Variants in PCDHGA1 observed in about 807,000 individuals in gnomAD.
The protein encoded by PCDHGA1 is protocadherin gamma subfamily A, 1.
PCDHGA1 carries 32 observed loss-of-function variants against 58.0 expected under a neutral mutation model. The ratio of observed to expected loss-of-function variants is 0.55; its 90% CI spans 0.42 to 0.74. PCDHGA1 has a LOEUF of 0.74. Ranked by LOEUF, PCDHGA1 falls within the 30% of genes least tolerant of loss-of-function variation. The probability of loss-of-function intolerance (pLI) is 0.00; values close to 1 mark genes in which losing one functional copy is unlikely to be tolerated. For synonymous variants in PCDHGA1, 498 were observed against 501.1 expected (o/e 0.99, Z 0.08); for missense variants, 1,205 against 1,182.3 (o/e 1.02, Z -0.28).
intron 1 of PCDHGA1, chr5:141,398,616 C>T (rs922729367): frequency 6.2e-7 from 1 of 1,614,020 alleles, no homozygotes; most frequent in Non-Finnish European, 8.5e-7. Flanking sequence ...CAGATATTGG[C>T]TTAAACTCTC....
Position 141,409,086 on chromosome 5 carries a change from A to G in PCDHGA1, c.2421+75981A>G, listed in dbSNP as rs1019017199. 6.8e-6 allele frequency: 11 copies of G among 1,613,904 alleles called. No homozygotes were observed. Among genetic ancestry groups the G allele is most frequent in the African/African-American group, 5.3e-5 (4 of 74,932 alleles). On this transcript the variant is annotated intron_variant, in intron 1 of 3. Transcript: ENST00000517417. ...AGCACAAAACATATGTTCTCATTGG[A>G]TGAGAAAACAGGTATGATTAAGAAT... is the stretch of plus-strand genomic sequence containing the variant.
intron 1 of PCDHGA1, chr5:141,342,087 G>C (rs1757116859): frequency 7.3e-6 from 1 of 136,818 alleles, no homozygotes; most frequent in Non-Finnish European, 1.6e-5. Flanking sequence ...TAAAGCTGTA[G>C]AGTGGTAATA....
chr5:141,356,677 G>A (rs759254327), intron 1 of PCDHGA1: 78 of 1,613,980 alleles, frequency 4.8e-5, no homozygotes, highest in Middle Eastern at 1.6e-4. Flanking sequence ...CTCCCTGGCC[G>A]AAGACACCTT....
Position 141,353,200 on chromosome 5 carries a change from G to T in PCDHGA1, c.2421+20095G>T, listed in dbSNP as rs547023027. ...TGTATGGTTGGCAAATCTTGCTAAA[G>T]AGACCTGTTTCCTAGATGTTAACAC... On this transcript the variant is annotated intron_variant, in intron 1 of 3. Coordinates refer to ENST00000517417, the MANE Select transcript of PCDHGA1 (RefSeq NM_018912.3). Among the ~76,000 whole-genome samples, 16 of 152,240 alleles carry T rather than the reference G, an allele frequency of 1.1e-4. No individual in the cohort carries two copies. In the South Asian group the frequency reaches 3.3e-3, roughly 32 times the overall value.
rs772943752 is a variant in PCDHGA1 at position 141,331,554 on chromosome 5, A to C, written c.870A>C (p.Gln290His). ...ACAATGTAGACCACAGAGTGGCCCAAATATTTCGTTTAGATTCTTACACAG... is the reference window on the plus strand; with the variant it reads ...ACAATGTAGACCACAGAGTGGCCCACATATTTCGTTTAGATTCTTACACAG... ...SFHNVDHRVAQIFRLDSYTGE... is the reference protein window; with the variant it reads ...SFHNVDHRVAHIFRLDSYTGE... Residue 290 changes from glutamine (Q) to histidine (H), a missense_variant, in exon 1 of 4, where the codon CAA becomes CAC. Physicochemically the swap from Gln to His is conservative, Grantham distance 24 (BLOSUM62 0). Coordinates refer to ENST00000517417, the MANE Select transcript of PCDHGA1 (RefSeq NM_018912.3). 54 of 1,614,080 alleles carry C rather than the reference A, an allele frequency of 3.3e-5. No homozygotes were observed. In the African/African-American group the frequency reaches 6.9e-4, roughly 21 times the overall value.
chr5:141,503,598 CAAA>C (rs765754054), intron 2 of PCDHGA1, among the ~76,000 whole-genome samples: 9 of 65,742 alleles, frequency 1.4e-4, no homozygotes, highest in Admixed American at 3.4e-4. Context: ...GACTCCAGCT[CAAA>C]AAAAAAAAAA....
intron 1 of PCDHGA1, chr5:141,378,052 C>A (rs75561194): frequency 5.8e-4 from 88 of 152,282 alleles, no homozygotes; most frequent in African/African-American, 2.0e-3. Context: ...CCTTATCTAT[C>A]TGACTCAAAT....
intron 1 of PCDHGA1, chr5:141,365,218 C>T: frequency 1.2e-6 from 2 of 1,613,898 alleles, no homozygotes; most frequent in Non-Finnish European, 1.7e-6. Context: ...AACTTGATTC[C>T]AACCTGGGGG....
At chr5:141,433,655 G>T (rs1227358856) in intron 1 of PCDHGA1, among the ~76,000 whole-genome samples, 2 of 152,036 alleles carry the variant, frequency 1.3e-5, no homozygotes, top group Non-Finnish European at 1.5e-5. Flanking sequence ...GACCAACATG[G>T]AGAAACCCCG....
intron 1 of PCDHGA1, 134 bp from the exon 2 acceptor site, chr5:141,494,673 C>A: frequency 6.5e-7 from 1 of 1,542,992 alleles, no homozygotes; most frequent in South Asian, 1.2e-5. Flanking sequence ...GATGAGTCCA[C>A]CCCTGCCCCC....
rs1444723072 is a variant in PCDHGA1 at position 141,332,792 on chromosome 5, T to C, written c.2108T>C (p.Val703Ala). The change falls in exon 1 of 4, where the codon GTC becomes GCC. Residue 703 changes from valine (V) to alanine (A), a missense_variant. Transcript: ENST00000517417. This position sits in a 1 kb window ranked among gnomAD's most constrained non-coding sequence, Gnocchi z 4.6. ...GTGGCGGCGGCCGCGGTCTCCTGCG[T>C]CTTCCTGGCCTTCGTCATCGTGCTG... ...LVVAAAAVSC[V>A]FLAFVIVLLA... The C allele has an allele frequency of 1.2e-6, 2 of 1,614,160 alleles. No homozygotes were observed. The highest frequency in any genetic ancestry group is 2.2e-5 in the South Asian group (2 of 91,080).
At chr5:141,398,249 T>C (rs1462140853) in intron 1 of PCDHGA1, 2 of 1,470,902 alleles carry the variant, frequency 1.4e-6, no homozygotes, top group Non-Finnish European at 1.8e-6. Context: ...CCCGAGGAAA[T>C]GCCCAAGGGC....
At chr5:141,390,409 A>C in intron 1 of PCDHGA1, 2 of 1,247,634 alleles carry the variant, frequency 1.6e-6, no homozygotes, top group East Asian at 2.4e-5. Context: ...GGAAAGTTGT[A>C]GTCAGTTAAA....
At chr5:141,383,279 A>G in intron 1 of PCDHGA1, 7 of 1,613,948 alleles carry the variant, frequency 4.3e-6, no homozygotes, top group Non-Finnish European at 5.9e-6. Context: ...ATAGATATTA[A>G]TGACAACGTT....
chr5:141,466,686 T>G (rs112499949), intron 1 of PCDHGA1, among the ~76,000 whole-genome samples: 2 of 152,352 alleles, frequency 1.3e-5, no homozygotes, highest in African/African-American at 4.8e-5. Flanking sequence ...CCACTCAAGC[T>G]TCATCATAAA....
At chr5:141,410,697 T>G in intron 1 of PCDHGA1, 1 of 1,489,152 alleles carries the variant, frequency 6.7e-7, no homozygotes, top group Non-Finnish European at 9.0e-7. Context: ...TACTTTATTT[T>G]CATATCTAGA....
intron 1 of PCDHGA1, chr5:141,345,420 G>A: frequency 6.2e-7 from 1 of 1,613,994 alleles, no homozygotes; most frequent in Non-Finnish European, 8.5e-7. Context: ...CTACATTCCA[G>A]AAAACAACCC....
At chr5:141,365,429 G>T (rs781264093) in intron 1 of PCDHGA1, 7 of 1,613,990 alleles carry the variant, frequency 4.3e-6, no homozygotes, top group Non-Finnish European at 4.2e-6. Flanking sequence ...AACTGTAATC[G>T]CGCTGTTTAG....
Position 141,476,836 on chromosome 5 carries a change from T to G in PCDHGA1, c.2422-17971T>G. 1 of 1,613,652 alleles carries G rather than the reference T, an allele frequency of 6.2e-7. No homozygotes were observed. The highest frequency in any genetic ancestry group is 8.5e-7 in the Non-Finnish European group (1 of 1,180,042). On this transcript the variant is annotated intron_variant, in intron 1 of 3. Coordinates refer to ENST00000517417, the MANE Select transcript of PCDHGA1 (RefSeq NM_018912.3). The surrounding 1 kb of genome is among the most constrained non-coding windows in gnomAD (Gnocchi z 7.6). ...TCAAGGTGCTGGACGCGAATGACAATGCGCCTGTCTTCAACCAGTCCTTGT... is the reference window on the plus strand; with the variant it reads ...TCAAGGTGCTGGACGCGAATGACAAGGCGCCTGTCTTCAACCAGTCCTTGT...
Sources: allele counts gnomAD v4.1 joint callset (sites outside exome capture counted in the v4.1 genomes callset), GRCh38; gene constraint gnomAD v4.1.1; non-coding constraint Gnocchi (gnomAD v3.1); transcripts MANE v1.5; gene names NCBI Gene and HGNC (gene_info 2026-07-23, HGNC 2026-07-21).